Variants in TJP1 observed in about 807,000 individuals in gnomAD.
TJP1 encodes the protein tight junction protein 1.
TJP1 carries 43 observed loss-of-function variants against 194.2 expected under a neutral mutation model. The ratio of observed to expected loss-of-function variants is 0.22; its 90% confidence interval spans 0.17 to 0.29. The LOEUF is 0.29. Among genes scored for constraint, TJP1 ranks in the 10% least tolerant of loss-of-function variants. TJP1 has a pLI of 1.00. For synonymous variants in TJP1, 801 were observed against 779.0 expected (o/e 1.03, Z -0.47); for missense variants, 1,971 against 2,185.7 (o/e 0.90, Z 1.96).
chr15:29,828,070 A>AT (rs939347345), intron 2 of TJP1, among the ~76,000 whole-genome samples: 12 of 152,296 alleles, frequency 7.9e-5, no homozygotes, highest in African/African-American at 2.9e-4. Context: ...CATTCCTATA[A>AT]TTACCCAGGA....
At chr15:29,764,780 CTG>C (rs1832129600) in intron 5 of TJP1, among the ~76,000 whole-genome samples, 1 of 152,192 alleles carries the variant, frequency 6.6e-6, no homozygotes, top group East Asian at 1.9e-4. Flanking sequence ...TTGAGATGTG[CTG>C]TGTTTCAGGG....
chr15:29,910,561 TCTTA>T (rs2053980104), intron 2 of TJP1, among the ~76,000 whole-genome samples: 1 of 152,262 alleles, frequency 6.6e-6, no homozygotes, highest in African/African-American at 2.4e-5. Context: ...TTAATACTAT[TCTTA>T]CTATCTGAAT....
At chr15:29,833,857 G>GTATATATATATATATATA in intron 2 of TJP1, among the ~76,000 whole-genome samples, 37 of 25,814 alleles carry the variant, frequency 1.4e-3, no homozygotes, top group South Asian at 5.9e-3. Flanking sequence ...ATTTTTGTAA[G>GTATATATATATATATATA]TATATATATA....
At chr15:29,790,738 T>C (rs2048019823) in intron 2 of TJP1, among the ~76,000 whole-genome samples, 1 of 150,940 alleles carries the variant, frequency 6.6e-6, no homozygotes, top group Non-Finnish European at 1.5e-5. Flanking sequence ...TCTGTCTCCG[T>C]GAGTTCATTT....
chr15:29,811,089 T>C (rs536638554), intron 1 of TJP1, among the ~76,000 whole-genome samples: 3 of 152,164 alleles, frequency 2.0e-5, no homozygotes, highest in African/African-American at 7.2e-5. Context: ...GGAAGTACAC[T>C]TGCTAGGAAC....
At chr15:29,728,230 A>G (rs2043366716) in intron 15 of TJP1, 1 of 449,454 alleles carries the variant, frequency 2.2e-6, no homozygotes, top group Admixed American at 4.0e-5. Context: ...TATTCTGGAA[A>G]AAAACTTAGC....
chr15:29,792,337 A>G (rs2048150077), intron 2 of TJP1, among the ~76,000 whole-genome samples: 1 of 152,224 alleles, frequency 6.6e-6, no homozygotes, highest in Non-Finnish European at 1.5e-5. Flanking sequence ...CAGTCTTCCC[A>G]GCACCATTTA....
intron 8 of TJP1, among the ~76,000 whole-genome samples, chr15:29,758,479 C>G (rs535307599): frequency 2.0e-5 from 3 of 152,174 alleles, no homozygotes; most frequent in Admixed American, 6.5e-5. Flanking sequence ...ATTCTAAGTG[C>G]TGAGGAACTC....
intron 2 of TJP1, among the ~76,000 whole-genome samples, chr15:29,839,622 CAGAG>C (rs1338834272): frequency 6.6e-6 from 1 of 152,084 alleles, no homozygotes; most frequent in Non-Finnish European, 1.5e-5. Flanking sequence ...TCTTTGGTGA[CAGAG>C]AGAGAACTTG....
intron 2 of TJP1, among the ~76,000 whole-genome samples, chr15:29,877,533 TTTC>T (rs1432053727): frequency 6.6e-6 from 1 of 151,956 alleles, no homozygotes; most frequent in African/African-American, 2.4e-5. Context: ...GATTATTTCT[TTTC>T]TTCTCTTCTC....
chr15:29,773,105 A>G, intron 3 of TJP1, 128 bp downstream of exon 3: 3 of 1,130,414 alleles, frequency 2.7e-6, no homozygotes, highest in African/African-American at 1.6e-5. Context: ...AAGGAAAAAT[A>G]TATGAAGCAT....
At chr15:29,832,404 GC>G (rs2050864770) in intron 2 of TJP1, among the ~76,000 whole-genome samples, 1 of 152,218 alleles carries the variant, frequency 6.6e-6, no homozygotes, top group Non-Finnish European at 1.5e-5. Flanking sequence ...GGCAAGTCTA[GC>G]TGTCTGAGCC....
intron 1 of TJP1, among the ~76,000 whole-genome samples, chr15:29,959,002 T>G (rs112451129): frequency 0.054 from 8,150 of 152,020 alleles, 669 homozygotes; most frequent in African/African-American, 0.18. Context: ...TTTTTTGTTT[T>G]TTTTTGAGTC....
chr15:29,798,162 G>GGT (rs1175856506), intron 2 of TJP1, among the ~76,000 whole-genome samples: 1 of 152,028 alleles, frequency 6.6e-6, no homozygotes, highest in Non-Finnish European at 1.5e-5. Flanking sequence ...TAGTAGACGG[G>GGT]GTTTCACCAC....
intron 8 of TJP1, among the ~76,000 whole-genome samples, chr15:29,748,972 G>A (rs2045043788): frequency 9.1e-5 from 1 of 11,036 alleles, no homozygotes; most frequent in Admixed American, 1.7e-3. Context: ...GTGCGCGCGC[G>A]CGTTTGCTAT....
chr15:29,791,981 C>T (rs2048126555), intron 2 of TJP1, among the ~76,000 whole-genome samples: 1 of 151,260 alleles, frequency 6.6e-6, no homozygotes, highest in African/African-American at 2.4e-5. Flanking sequence ...AATTGGATTT[C>T]TTTTTCCTAT....
chr15:29,829,334 T>C (rs1041503563), intron 2 of TJP1, among the ~76,000 whole-genome samples: 1 of 152,204 alleles, frequency 6.6e-6, no homozygotes, highest in Non-Finnish European at 1.5e-5. Context: ...TTTCCAAATG[T>C]GAAAACTATT....
chr15:29,896,841 T>C (rs1401216820), intron 2 of TJP1, among the ~76,000 whole-genome samples: 1 of 152,094 alleles, frequency 6.6e-6, no homozygotes, highest in African/African-American at 2.4e-5. Flanking sequence ...AGAGCTGATT[T>C]AGGGTATCTG....
intron 2 of TJP1, among the ~76,000 whole-genome samples, chr15:29,917,447 A>C (rs1254869846): frequency 2.6e-5 from 4 of 152,180 alleles, no homozygotes; most frequent in African/African-American, 9.7e-5. Flanking sequence ...ACAATATATA[A>C]GGCCACAAAG....
Sources: gnomAD v4.1 joint callset for allele counts (sites outside exome capture counted in the v4.1 genomes callset) on GRCh38, gnomAD v4.1.1 for gene constraint, MANE v1.5 for transcripts, NCBI Gene and HGNC (gene_info 2026-07-23, HGNC 2026-07-21) for gene names.